Variants in METTL6 observed in about 807,000 individuals in gnomAD.
The protein encoded by METTL6 is methyltransferase 6, tRNA N3-cytidine.
METTL6 carries 22 observed loss-of-function variants against 26.4 expected under a neutral mutation model. The observed-to-expected ratio is 0.83, with a 90% confidence interval of 0.59 to 1.19. The LOEUF (loss-of-function observed/expected upper bound fraction) is 1.19, where lower values mean the gene tolerates loss of function less well. Ranked by LOEUF, METTL6 falls within the 50% of genes most tolerant of loss-of-function variation. The pLI, the probability that METTL6 is intolerant of heterozygous loss-of-function variation, is 0.00. For missense variants in METTL6, 304 were observed against 324.8 expected (o/e 0.94, Z 0.49); for synonymous variants, 109 against 116.2 (o/e 0.94, Z 0.40).
chr3:15,392,655 T>C (rs558890219), intron 6 of METTL6, among the ~76,000 whole-genome samples: 22 of 152,340 alleles, frequency 1.4e-4, no homozygotes, highest in Admixed American at 1.0e-3. Context: ...CTTTAATCCA[T>C]CTTGAATTAA....
At chr3:15,400,250 A>C (rs1174491454) in intron 6 of METTL6, among the ~76,000 whole-genome samples, 1 of 151,854 alleles carries the variant, frequency 6.6e-6, no homozygotes, top group African/African-American at 2.4e-5. Context: ...GTGCAGCACC[A>C]GATGTACCCT....
chr3:15,412,152 T>C (rs1217084020), intron 5 of METTL6, among the ~76,000 whole-genome samples: 2 of 152,236 alleles, frequency 1.3e-5, no homozygotes, highest in African/African-American at 4.8e-5. Flanking sequence ...AAGGTCTGCA[T>C]GTGCTCAATT....
chr3:15,417,466 A>AATAT (rs1700258292), intron 3 of METTL6, among the ~76,000 whole-genome samples: 1 of 150,926 alleles, frequency 6.6e-6, no homozygotes, highest in African/African-American at 2.4e-5. Context: ...TAAATAAATA[A>AATAT]ATAAATAAAT....
chr3:15,424,110 G>A (rs1186626628), intron 3 of METTL6, among the ~76,000 whole-genome samples: 2 of 151,558 alleles, frequency 1.3e-5, no homozygotes, highest in Admixed American at 1.3e-4. Flanking sequence ...AGCCCAGGAG[G>A]TTGAGGCTGT....
At chr3:15,393,944 T>C (rs1268130196) in intron 6 of METTL6, among the ~76,000 whole-genome samples, 1 of 152,246 alleles carries the variant, frequency 6.6e-6, no homozygotes, top group Admixed American at 6.5e-5. Flanking sequence ...TCAGGGATAT[T>C]GGTCTAAAAT....
downstream of METTL6, among the ~76,000 whole-genome samples, chr3:15,408,211 G>A (rs868354752): frequency 6.6e-5 from 10 of 152,274 alleles, 1 homozygote; most frequent in South Asian, 2.1e-3. Flanking sequence ...GACAGTGACT[G>A]GAACGAGACA....
Position 15,413,628 on chromosome 3 carries a change from G to A in METTL6, c.673+393C>T, listed in dbSNP as rs1700063634. The A allele has an allele frequency of 1.3e-5, 15 of 1,176,678 alleles. No individual in the cohort carries two copies. In the South Asian group the frequency reaches 2.3e-4, roughly 18 times the overall value. 72.9% of individuals were successfully genotyped at this position (1,176,678 alleles called of 1,614,324 possible). On this transcript the variant is annotated intron_variant, in intron 5 of 5. Transcript: ENST00000383790. ...GATCCAATCAATTCTACAGAAAAAG[G>A]TTTCCTGACTTTGTGCCATGGGAAA...
chr3:15,413,248 T>A (rs73142297), intron 5 of METTL6, among the ~76,000 whole-genome samples: 2 of 149,778 alleles, frequency 1.3e-5, no homozygotes, highest in Non-Finnish European at 3.0e-5. Flanking sequence ...AATAAATAAA[T>A]GCCTCTTTAC....
chr3:15,396,004 T>C (rs923383759), intron 6 of METTL6, among the ~76,000 whole-genome samples: 1 of 152,168 alleles, frequency 6.6e-6, no homozygotes, highest in African/African-American at 2.4e-5. Context: ...AGTATCTTTG[T>C]GGTGTTCTCT....
chr3:15,408,579 T>TTTC (rs1553627420), downstream of METTL6, among the ~76,000 whole-genome samples: 6,774 of 147,726 alleles, frequency 0.046, 229 homozygotes, highest in East Asian at 0.071. Flanking sequence ...TTTTTTTTTT[T>TTTC]CAATTGGACA....
At chr3:15,413,802 G>A (rs1413335488) in intron 5 of METTL6, 1 of 1,475,642 alleles carries the variant, frequency 6.8e-7, no homozygotes, top group African/African-American at 1.4e-5. Flanking sequence ...AGCTCATTAG[G>A]GGAGTCACTG....
At chr3:15,387,497 G>GTTGAAC (rs1206014900) in intron 6 of METTL6, among the ~76,000 whole-genome samples, 1 of 152,186 alleles carries the variant, frequency 6.6e-6, no homozygotes, top group African/African-American at 2.4e-5. Context: ...TATTCACTTT[G>GTTGAAC]GTTCAAATGC....
Position 15,426,317 on chromosome 3 carries a change from T to C in METTL6, c.195A>G (p.Arg65=), listed in dbSNP as rs780561920. ...NFFKDRHWTT[R]EFEELRSCRE... The stretch of plus-strand genomic sequence containing the variant: ...TACATGATCTTAGCTCCTCAAACTC[T>C]CTGGTGGTCCAGTGTCTGTCTTTGA... The change falls in exon 2 of 6, where the codon AGA becomes AGG. Residue 65 remains arginine (R), a synonymous_variant. Transcript: ENST00000383790. 4.3e-5 allele frequency: 69 copies of C among 1,614,202 alleles called. No individual in the cohort carries two copies. The Middle Eastern group carries it at 1.3e-3, about 31-fold the overall frequency.
intron 5 of METTL6, among the ~76,000 whole-genome samples, chr3:15,413,191 G>A (rs1482417501): frequency 3.9e-5 from 6 of 152,168 alleles, no homozygotes; most frequent in Non-Finnish European, 8.8e-5. Context: ...GTTGCAGTGA[G>A]CCAAGATCAT....
chr3:15,415,772 C>A lies in METTL6; in HGVS notation c.531G>T (p.Lys177Asn). The A allele has an allele frequency of 1.2e-6, 2 of 1,613,166 alleles. No individual in the cohort carries two copies. The highest frequency in any genetic ancestry group is 1.7e-6 in the Non-Finnish European group (2 of 1,179,622). Residue 177 changes from lysine to asparagine, a missense_variant and splice_region_variant, in exon 4 of 6, where the codon AAG becomes AAT. Lys to Asn is a moderately conservative substitution (Grantham distance 94, BLOSUM62 0). Transcript: ENST00000383790. ...CAAGTGCAGGCCCCAAATCACTAACCTTGTAAATGTTTTGTAAGACAAGGT... is the reference window on the plus strand; with the variant it reads ...CAAGTGCAGGCCCCAAATCACTAACATTGTAAATGTTTTGTAAGACAAGGT... ...KMHLVLQNIY[K>N]VLKPGKSVLF...
chr3:15,387,190 C>T (rs1343175518), intron 6 of METTL6, among the ~76,000 whole-genome samples: 1 of 152,218 alleles, frequency 6.6e-6, no homozygotes, highest in East Asian at 1.9e-4. Context: ...TAACAACTGC[C>T]TGACCATCAT....
rs1699673981 is a variant in METTL6 at position 15,402,494 on chromosome 3, G to A, written c.*11+8751C>T. Among the ~76,000 whole-genome samples the A allele has an allele frequency of 2.0e-5, 3 of 152,160 alleles. No individual in the cohort carries two copies. In the South Asian group the frequency reaches 6.2e-4, roughly 31 times the overall value. On this transcript the variant is annotated intron_variant, in intron 6 of 6. Coordinates refer to the METTL6 transcript ENST00000443029. ...TACACCAGTAATCCCAGCACTCTGG[G>A]AAGCTGAGGCGGGCAGATCACCTGA...
chr3:15,411,384 A>G lies in METTL6; in HGVS notation c.727T>C (p.Tyr243His), dbSNP rs1370772155. The G allele has an allele frequency of 1.2e-6, 2 of 1,613,892 alleles. No individual in the cohort carries two copies. The highest frequency in any genetic ancestry group is 2.7e-5 in the African/African-American group (2 of 74,854). Reference sequence around the variant, plus strand: ...TTATTCACCGTCTCTCGAAACACATACTCGTTTACCACTTCTTCATAACCT... The same window carrying G: ...TTATTCACCGTCTCTCGAAACACATGCTCGTTTACCACTTCTTCATAACCT... The part of the protein sequence containing the change: ...DTGYEEVVNE[Y>H]VFRETVNKKE... Residue 243 changes from tyrosine to histidine, a missense_variant, in exon 6 of 6, where the codon TAT becomes CAT. Tyr to His is a moderately conservative substitution (Grantham distance 83). Transcript: ENST00000383790.
chr3:15,388,809 T>C (rs138437056), intron 6 of METTL6, among the ~76,000 whole-genome samples: 347 of 152,374 alleles, frequency 2.3e-3, no homozygotes, highest in African/African-American at 7.8e-3. Context: ...TTTTAAACTA[T>C]AAACTAAGTT....
Sources: allele counts gnomAD v4.1 joint callset (sites outside exome capture counted in the v4.1 genomes callset), GRCh38; gene constraint gnomAD v4.1.1; transcripts MANE v1.5; gene names NCBI Gene and HGNC (gene_info 2026-07-23, HGNC 2026-07-21).